Variants in MYADM observed in about 807,000 individuals in gnomAD.
The protein encoded by MYADM is myeloid-associated differentiation marker.
For synonymous variants in MYADM, 224 were observed against 210.2 expected (o/e 1.07, Z -0.57); for missense variants, 416 against 443.4 (o/e 0.94, Z 0.56).
Position 53,874,252 on chromosome 19 carries a change from G to C in MYADM, c.723G>C (p.Ser241=). 6.2e-7 allele frequency: 1 copy of C among 1,609,924 alleles called. No individual in the cohort carries two copies. The highest frequency in any genetic ancestry group is 1.1e-5 in the South Asian group (1 of 90,698). ...CCATCCCCTTCCCCAGCTTCCTGTCGGGGCTGGCCTTGCTGTCTGTCCTCC... is the reference window on the plus strand; with the variant it reads ...CCATCCCCTTCCCCAGCTTCCTGTCCGGGCTGGCCTTGCTGTCTGTCCTCC... The part of the protein sequence containing the change: ...VLPIPFPSFL[S]GLALLSVLLY... The change falls in exon 3 of 3, where the codon TCG becomes TCC. Residue 241 remains serine (S), a synonymous_variant. Transcript: ENST00000391770.
At chr19:53,872,001 C>A (rs1325665512) in intron 2 of MYADM, among the ~76,000 whole-genome samples, 1 of 151,654 alleles carries the variant, frequency 6.6e-6, no homozygotes, top group East Asian at 1.9e-4. Context: ...AGGGTTCAAG[C>A]GATTCTCCTG....
chr19:53,873,972 G>A lies in MYADM; in HGVS notation c.443G>A (p.Cys148Tyr). The A allele has an allele frequency of 1.2e-6, 2 of 1,609,810 alleles. No individual in the cohort carries two copies. Among genetic ancestry groups the A allele is most frequent in the Non-Finnish European group, 1.7e-6 (2 of 1,179,998 alleles). Residue 148 changes from cysteine to tyrosine, a missense_variant, in exon 3 of 3, where the codon TGT becomes TAT. Coordinates refer to ENST00000391770, the MANE Select transcript of MYADM (RefSeq NM_138373.5). This position sits in a 1 kb window ranked among gnomAD's most constrained non-coding sequence, Gnocchi z 4.3. Reference protein sequence around the residue: ...IAATFFSCIACVAYATEVAWT... With the variant: ...IAATFFSCIAYVAYATEVAWT... ...GCCACCTTCTTCTCCTGCATCGCGT[G>A]TGTGGCTTACGCCACCGAAGTGGCC...
Position 53,873,891 on chromosome 19 carries a change from C to T in MYADM, c.362C>T (p.Pro121Leu). ...LFCLSASIIY[P>L]TTYVQFLSHG... ...TGCCTCTCGGCCTCCATCATCTACCCCACCACCTATGTCCAGTTCCTGTCC... is the reference window on the plus strand; with the variant it reads ...TGCCTCTCGGCCTCCATCATCTACCTCACCACCTATGTCCAGTTCCTGTCC... Residue 121 changes from proline to leucine, a missense_variant, in exon 3 of 3, where the codon CCC (proline) becomes CTC (leucine). By Grantham distance (98) the Pro-to-Leu change is moderately conservative. Coordinates refer to ENST00000391770, the MANE Select transcript of MYADM (RefSeq NM_138373.5). This position sits in a 1 kb window ranked among gnomAD's most constrained non-coding sequence, Gnocchi z 4.3. 6.2e-7 allele frequency: 1 copy of T among 1,613,150 alleles called. No individual in the cohort carries two copies. Among genetic ancestry groups the T allele is most frequent in the Non-Finnish European group, 8.5e-7 (1 of 1,180,030 alleles).
rs892168506 is a variant in MYADM, at chr19:53,873,988, C to T, written c.459C>T (p.Thr153=). Residue 153 remains threonine (T), a synonymous_variant, in exon 3 of 3, where the codon ACC becomes ACT. Coordinates refer to ENST00000391770, the MANE Select transcript of MYADM (RefSeq NM_138373.5). The surrounding 1 kb of genome is among the most constrained non-coding windows in gnomAD (Gnocchi z 4.3). ...GCATCGCGTGTGTGGCTTACGCCAC[C>T]GAAGTGGCCTGGACCCGGGCCCGGC... ...FSCIACVAYA[T]EVAWTRARPG... is the part of the protein sequence containing the mutation. 18 of 1,608,992 alleles carry T rather than the reference C, an allele frequency of 1.1e-5. No individual in the cohort carries two copies. The South Asian group carries it at 1.4e-4, about 13-fold the overall frequency.
Position 53,874,902 on chromosome 19 carries a change from A to T in MYADM, c.*404A>T, listed in dbSNP as rs146800015. The T allele has an allele frequency of 0.02, 3,342 of 168,254 alleles. 120 individuals are homozygous for T. Among genetic ancestry groups the T allele is most frequent in the African/African-American group, 0.073 (2,992 of 41,212 alleles). The allele number at this position is 168,254 out of a possible 1,614,324, so 10.4% of individuals were successfully genotyped here. A position where few individuals can be genotyped will look rare whatever the true frequency, so the allele number is the denominator to read the frequency against. ...GCGATTCTCCTGCCCCAGCCTCCCA[A>T]GTAGCTGGGAGGACAGGTGTGAGCT... On this transcript the variant is annotated 3_prime_UTR_variant, in exon 3 of 3. Coordinates refer to ENST00000391770, the MANE Select transcript of MYADM (RefSeq NM_138373.5).
chr19:53,871,620 G>T (rs1283853863), intron 2 of MYADM, among the ~76,000 whole-genome samples: 1 of 152,058 alleles, frequency 6.6e-6, no homozygotes, highest in Non-Finnish European at 1.5e-5. Context: ...ATCCTTTATC[G>T]GGAGGTCGGA....
chr19:53,871,509 G>T (rs144804020), intron 2 of MYADM, among the ~76,000 whole-genome samples: 2 of 152,144 alleles, frequency 1.3e-5, no homozygotes, highest in South Asian at 2.1e-4. Flanking sequence ...TCTCCAAGGT[G>T]GGGGGTAGGG....
rs1444075586 is a variant in MYADM at position 53,875,715 on chromosome 19, G to A, written c.*1217G>A. On this transcript the variant is annotated 3_prime_UTR_variant, in exon 3 of 3. Coordinates refer to ENST00000391770, the MANE Select transcript of MYADM (RefSeq NM_138373.5). ...AATACAAAAATTAGCCGGGCGTGGT[G>A]GCGGGCGCCTGTAATCCCAGGTATT... 7.2e-5 allele frequency: 11 copies of A among 153,512 alleles called. No individual in the cohort carries two copies. Among genetic ancestry groups the A allele is most frequent in the Non-Finnish European group, 2.9e-5 (2 of 68,068 alleles). The allele number at this position is 153,512 out of a possible 1,614,324, so 9.5% of individuals were successfully genotyped here. A position where few individuals can be genotyped will look rare whatever the true frequency, so the allele number is the denominator to read the frequency against.
chr19:53,866,729 A>G (rs868492733), upstream of MYADM, among the ~76,000 whole-genome samples: 14 of 151,732 alleles, frequency 9.2e-5, no homozygotes, highest in African/African-American at 3.2e-4. This position sits in a 1 kb window ranked among gnomAD's most constrained non-coding sequence, Gnocchi z 4.3. Flanking sequence ...TCAGGAATGT[A>G]GGCCAAAAAT....
chr19:53,867,208 T>C (rs993210403), upstream of MYADM, among the ~76,000 whole-genome samples: 4 of 152,184 alleles, frequency 2.6e-5, no homozygotes, highest in Non-Finnish European at 5.9e-5. Context: ...TACAGGAATC[T>C]AGCCTCTGTT....
rs1027198696 is a variant in MYADM, at chr19:53,874,096, G to A, written c.567G>A (p.Ala189=). Residue 189 remains alanine (A), a synonymous_variant, in exon 3 of 3, where the codon GCG becomes GCA. Coordinates refer to ENST00000391770, the MANE Select transcript of MYADM (RefSeq NM_138373.5). ...CCTTCGTTGCCTGCATCATCTTCGC[G>A]TTCATCAGCGACCCCAACCTGTACC... is the stretch of plus-strand genomic sequence containing the variant. ...LETFVACIIF[A]FISDPNLYQH... The A allele has an allele frequency of 3.1e-6, 5 of 1,612,336 alleles. No individual in the cohort carries two copies. The African/African-American group carries it at 4.0e-5, about 13-fold the overall frequency.
chr19:53,874,533 C>G lies in MYADM; in HGVS notation c.*35C>G, dbSNP rs769674064. On this transcript the variant is annotated 3_prime_UTR_variant, in exon 3 of 3. Transcript: ENST00000391770. ...AAGAGGCTCCCGTTCCCTCTCCAAC[C>G]TCTTTGTTCTTCTTGCCCGAGTTTT... 3.3e-6 allele frequency: 5 copies of G among 1,529,046 alleles called. No homozygotes were observed. Among genetic ancestry groups the G allele is most frequent in the Non-Finnish European group, 4.4e-6 (5 of 1,139,632 alleles). The allele number at this position is 1,529,046 out of a possible 1,614,324, so 94.7% of individuals were successfully genotyped here. A position where few individuals can be genotyped will look rare whatever the true frequency, so the allele number is the denominator to read the frequency against.
intron 2 of MYADM, chr19:53,872,918 A>G (rs1212691054): frequency 6.6e-6 from 1 of 152,470 alleles, no homozygotes; most frequent in Non-Finnish European, 1.5e-5. Context: ...GGAAGCAAAC[A>G]GTGTAGTTGT....
chr19:53,872,530 C>G (rs1457567057), intron 2 of MYADM, among the ~76,000 whole-genome samples: 43 of 150,978 alleles, frequency 2.8e-4, no homozygotes. Flanking sequence ...TTTTTTGAGT[C>G]AGGGTCTCAC....
chr19:53,868,879 CCTGCGCGCCCCCCTCCG>C lies in MYADM; in HGVS notation c.-87-873_-87-857del, dbSNP rs1260563066. On this transcript the variant is annotated intron_variant, in intron 1 of 2. Coordinates refer to ENST00000391770, the MANE Select transcript of MYADM (RefSeq NM_138373.5). This position sits in a 1 kb window ranked among gnomAD's most constrained non-coding sequence, Gnocchi z 6.3. ...CCCTCCCCTCGGCGCGCCCCCCTCC[CCTGCGCGCCCCCCTCCG>C]CGGCTAGCCCACCTTCCGCGGGGGA... 6.6e-6 allele frequency: 1 copy of C among 152,250 alleles called. No individual in the cohort carries two copies. The highest frequency in any genetic ancestry group is 1.5e-5 in the Non-Finnish European group (1 of 68,154). 9.4% of individuals were successfully genotyped at this position (152,250 alleles called of 1,614,324 possible).
intron 2 of MYADM, among the ~76,000 whole-genome samples, chr19:53,871,196 A>G (rs1207487234): frequency 6.6e-6 from 1 of 152,198 alleles, no homozygotes; most frequent in Non-Finnish European, 1.5e-5. Flanking sequence ...GCACCATTGC[A>G]CTGCAGCCTG....
chr19:53,874,643 A>C lies in MYADM; in HGVS notation c.*145A>C. ...CCTCCCACCTTTTTCTTTCCTTCCCAATTCCTTGCACTCTAACCAGTTCTT... is the reference window on the plus strand; with the variant it reads ...CCTCCCACCTTTTTCTTTCCTTCCCCATTCCTTGCACTCTAACCAGTTCTT... On this transcript the variant is annotated 3_prime_UTR_variant, in exon 3 of 3. Coordinates refer to ENST00000391770, the MANE Select transcript of MYADM (RefSeq NM_138373.5). 1.1e-6 allele frequency: 1 copy of C among 888,194 alleles called. No homozygotes were observed. Among genetic ancestry groups the C allele is most frequent in the South Asian group, 2.1e-5 (1 of 46,920 alleles). 55.0% of individuals were successfully genotyped at this position (888,194 alleles called of 1,614,324 possible).
In MYADM at chr19:53,873,582, C is replaced by T. The variant is rs776416042; in HGVS notation, c.53C>T (p.Ser18Leu). ...ATCACAACCACCACGACGTCATCTT[C>T]GGGCCTGGGGTCCCCCATGATCGTG... is the stretch of plus-strand genomic sequence containing the variant. ...TTITTTTTSS[S>L]GLGSPMIVGS... The change falls in exon 3 of 3, where the codon TCG becomes TTG. Residue 18 changes from serine (S) to leucine (L), a missense_variant. Physicochemically the swap from Ser to Leu is moderately radical, Grantham distance 145. Coordinates refer to ENST00000391770, the MANE Select transcript of MYADM (RefSeq NM_138373.5). This position sits in a 1 kb window ranked among gnomAD's most constrained non-coding sequence, Gnocchi z 4.3. 18 of 1,612,366 alleles carry T rather than the reference C, an allele frequency of 1.1e-5. No individual in the cohort carries two copies. In the Admixed American group the frequency reaches 1.8e-4, roughly 17 times the overall value.
rs2122948079 is a variant in MYADM, at chr19:53,874,584, C to T, written c.*86C>T. Reference sequence around the variant, plus strand: ...CTTTATGGAGTACTTCTTTCCTCCGCCTTTCCTCTGTTTTCCTCTTCCTGT... The same window carrying T: ...CTTTATGGAGTACTTCTTTCCTCCGTCTTTCCTCTGTTTTCCTCTTCCTGT... On this transcript the variant is annotated 3_prime_UTR_variant, in exon 3 of 3. Transcript: ENST00000391770. 1 of 1,449,572 alleles carries T rather than the reference C, an allele frequency of 6.9e-7. No homozygotes were observed. The highest frequency in any genetic ancestry group is 2.4e-5 in the East Asian group (1 of 41,590). 89.8% of individuals were successfully genotyped at this position (1,449,572 alleles called of 1,614,324 possible). A position where few individuals can be genotyped will look rare whatever the true frequency, so the allele number is the denominator to read the frequency against.
Sources: gnomAD v4.1 joint callset for allele counts (sites outside exome capture counted in the v4.1 genomes callset) on GRCh38, gnomAD v4.1.1 for gene constraint, Gnocchi (gnomAD v3.1) non-coding constraint, MANE v1.5 for transcripts, NCBI Gene and HGNC (gene_info 2026-07-23, HGNC 2026-07-21) for gene names.